PMPCB: variants seen among roughly 807,000 people sequenced by gnomAD.
The protein encoded by PMPCB is mitochondrial-processing peptidase subunit beta.
PMPCB carries 46 observed loss-of-function variants against 61.5 expected under a neutral mutation model. The ratio of observed to expected loss-of-function variants is 0.75; its 90% CI spans 0.59 to 0.96. The LOEUF is 0.96. Among genes scored for constraint, PMPCB ranks in the 40% least tolerant of loss-of-function variants. PMPCB has a pLI of 0.00. For missense variants in PMPCB, 590 were observed against 602.4 expected, an observed-to-expected ratio of 0.98 and a Z score of 0.22; for synonymous variants, 191 against 201.6, an observed-to-expected ratio of 0.95 and a Z score of 0.44.
rs756558353 is a variant in PMPCB at position 103,297,605 on chromosome 7, C to G, written c.99+47C>G. On this transcript the variant is annotated intron_variant, in intron 1 of 12. Coordinates refer to ENST00000249269, the MANE Select transcript of PMPCB (RefSeq NM_004279.3). The stretch of plus-strand genomic sequence containing the variant: ...TCCTGTCCTCGAGATCTCGCCAGAC[C>G]CGGCGCAGCGCACCTGAGAGTCGGC... The G allele has an allele frequency of 6.2e-6, 10 of 1,608,890 alleles. No homozygotes were observed. In the African/African-American group the frequency reaches 1.2e-4, roughly 19 times the overall value.
intron 8 of PMPCB, among the ~76,000 whole-genome samples, chr7:103,309,711 A>G (rs896765868): frequency 6.6e-6 from 1 of 152,184 alleles, no homozygotes; most frequent in Non-Finnish European, 1.5e-5. Flanking sequence ...AGGTGATGTA[A>G]GAACATTAAT....
At chr7:103,328,575 G>A (rs758258815) in intron 12 of PMPCB, among the ~76,000 whole-genome samples, 1 of 152,126 alleles carries the variant, frequency 6.6e-6, no homozygotes, top group Non-Finnish European at 1.5e-5. Flanking sequence ...AGGCTGCAGT[G>A]AGCTGAGATG....
intron 1 of PMPCB, 173 bp downstream of exon 1, chr7:103,297,731 T>C: frequency 6.5e-7 from 1 of 1,534,404 alleles, no homozygotes; most frequent in Non-Finnish European, 8.7e-7. Flanking sequence ...GTGACTGGCT[T>C]GTGGCCACCC....
At chr7:103,317,548 C>A (rs995658275), downstream of PMPCB, among the ~76,000 whole-genome samples, 2 of 152,184 alleles carry the variant, frequency 1.3e-5, no homozygotes, top group African/African-American at 2.4e-5. Flanking sequence ...AGCTTTGGCT[C>A]ATTTCTCCCC....
downstream of PMPCB, among the ~76,000 whole-genome samples, chr7:103,318,712 A>C (rs948583948): frequency 6.6e-6 from 1 of 152,236 alleles, no homozygotes; most frequent in Non-Finnish European, 1.5e-5. Flanking sequence ...CTGTAAAATA[A>C]AAGGTATAGA....
In PMPCB at chr7:103,312,903, T is replaced by G. The variant is rs776422459; in HGVS notation, c.*632T>G. ...AAAATATGAGCTATATCACCCAAGC[T>G]ACAATTTAAAATACAACAATCTATA... On this transcript the variant is annotated 3_prime_UTR_variant, in exon 13 of 13. Coordinates refer to ENST00000249269, the MANE Select transcript of PMPCB (RefSeq NM_004279.3). The G allele has an allele frequency of 3.2e-6, 5 of 1,582,688 alleles. No individual in the cohort carries two copies. The Admixed American group carries it at 9.6e-5, about 30-fold the overall frequency.
In PMPCB at chr7:103,297,544, G is replaced by A; in HGVS notation, c.85G>A (p.Gly29Ser). 2 of 1,609,928 alleles carry A rather than the reference G, an allele frequency of 1.2e-6. No homozygotes were observed. The highest frequency in any genetic ancestry group is 8.5e-7 in the Non-Finnish European group (1 of 1,177,482). Residue 29 changes from glycine (G) to serine (S), a missense_variant, in exon 1 of 13, where the codon GGC (glycine) becomes AGC (serine). Physicochemically the swap from Gly to Ser is moderately conservative, Grantham distance 56 (BLOSUM62 0). Transcript: ENST00000249269. The stretch of plus-strand genomic sequence containing the variant: ...TTTCAGCGAGAGTCTTCTAATCCGA[G>A]GCGCTGCGGGACGGGTGAGCTTCCC... ...WGFSESLLIR[G>S]AAGRSLYFGE...
At position 103,304,414 on chromosome 7, in the gene PMPCB, T is replaced by A; in HGVS notation, c.660T>A (p.Ser220=). ...TILGPTENIK[S]ISRKDLVDYI... ...AATTGTTTTACTTCATTTACAGATCTATAAGTCGTAAGGACTTAGTGGATT... is the reference window on the plus strand; with the variant it reads ...AATTGTTTTACTTCATTTACAGATCAATAAGTCGTAAGGACTTAGTGGATT... Residue 220 remains serine, a synonymous_variant, in exon 6 of 13, where the codon TCT becomes TCA. Transcript: ENST00000249269. 6.4e-7 allele frequency: 1 copy of A among 1,557,284 alleles called. No individual in the cohort carries two copies. Among genetic ancestry groups the A allele is most frequent in the African/African-American group, 1.4e-5 (1 of 73,854 alleles).
chr7:103,298,404 A>T (rs890645417), intron 1 of PMPCB, among the ~76,000 whole-genome samples, 164 bp from the exon 2 acceptor site: 1 of 151,984 alleles, frequency 6.6e-6, no homozygotes, highest in African/African-American at 2.4e-5. Flanking sequence ...CTGGTGACAG[A>T]TGTTTCTAGG....
At chr7:103,309,227 A>G in intron 8 of PMPCB, 132 bp downstream of exon 8, 1 of 665,360 alleles carries the variant, frequency 1.5e-6, no homozygotes, top group Non-Finnish European at 2.2e-6. Context: ...TGACTTAAAA[A>G]TATAAACTGA....
Position 103,299,481 on chromosome 7 carries a change from T to A in PMPCB, c.279T>A (p.Asn93Lys), listed in dbSNP as rs2115613885. 2 of 1,612,962 alleles carry A rather than the reference T, an allele frequency of 1.2e-6. No homozygotes were observed. Among genetic ancestry groups the A allele is most frequent in the East Asian group, 4.5e-5 (2 of 44,838 alleles). The change falls in exon 3 of 13, where the codon AAT becomes AAA. Residue 93 changes from asparagine (N) to lysine (K), a missense_variant. Transcript: ENST00000249269. The stretch of plus-strand genomic sequence containing the variant: ...TTGATGCTGGAAGTAGATACGAAAA[T>A]GAGAAGAACAATGGAACAGCACACT... ...LWIDAGSRYE[N>K]EKNNGTAHFL...
Position 103,321,175 on chromosome 7 carries a change from G to A in PMPCB, c.*1432-7756G>A, listed in dbSNP as rs533806032. The stretch of plus-strand genomic sequence containing the variant: ...ATGGCGCCACTGCACTCCAGCCTGA[G>A]TGACTGAGACCCTGCCTCAACAACA... On this transcript the variant is annotated intron_variant and NMD_transcript_variant, in intron 12 of 12. Coordinates refer to the PMPCB transcript ENST00000444457. Among the ~76,000 whole-genome samples, 2 of 152,232 alleles carry A rather than the reference G, an allele frequency of 1.3e-5. 1 individual carries two copies. Among genetic ancestry groups the A allele is most frequent in the South Asian group, 4.1e-4 (2 of 4,826 alleles).
the PMPCB span, chr7:103,344,646 G>A: frequency 6.2e-7 from 1 of 1,604,360 alleles, no homozygotes; most frequent in Non-Finnish European, 8.5e-7. Flanking sequence ...CTAGCCCGGT[G>A]GGCGCAGCGG....
intron 1 of PMPCB, 123 bp downstream of exon 1, chr7:103,297,681 C>A (rs1409441057): frequency 6.5e-7 from 1 of 1,540,100 alleles, no homozygotes. Context: ...CCCGGACCCG[C>A]CGGGCGCCAG....
chr7:103,316,230 T>A, downstream of PMPCB: 1 of 478,470 alleles, frequency 2.1e-6, no homozygotes, highest in Non-Finnish European at 3.6e-6. Context: ...ATGCTGCTAC[T>A]ATAAATTCCT....
At chr7:103,337,824 C>A in the PMPCB span, 4 of 1,603,990 alleles carry the variant, frequency 2.5e-6, no homozygotes, top group African/African-American at 1.3e-5. Context: ...GGAAAAAAAA[C>A]ACAAAAGGGA....
intron 12 of PMPCB, chr7:103,322,183 A>T: frequency 2.2e-6 from 2 of 893,142 alleles, no homozygotes; most frequent in Non-Finnish European, 3.1e-6. Context: ...TATTAGGAAA[A>T]AAGGCAACAT....
At chr7:103,341,808 C>T in the PMPCB span, 1 of 1,607,476 alleles carries the variant, frequency 6.2e-7, no homozygotes, top group Non-Finnish European at 8.5e-7. Flanking sequence ...GGAAACTCTT[C>T]CAACTGCAAT....
chr7:103,321,613 C>T (rs937843823), intron 12 of PMPCB, among the ~76,000 whole-genome samples: 33 of 151,556 alleles, frequency 2.2e-4, no homozygotes, highest in African/African-American at 8.0e-4. Flanking sequence ...TTTGGGAGGC[C>T]AAGGCGGGGA....
Sources: allele counts gnomAD v4.1 joint callset (sites outside exome capture counted in the v4.1 genomes callset), GRCh38; gene constraint gnomAD v4.1.1; transcripts MANE v1.5; gene names NCBI Gene and HGNC (gene_info 2026-07-23, HGNC 2026-07-21).